Variants in DIAPH3 observed in about 807,000 individuals in gnomAD.
The protein encoded by DIAPH3 is diaphanous related formin 3.
DIAPH3 carries 117 observed loss-of-function variants against 144.3 expected under a neutral mutation model. That is an observed-to-expected ratio of 0.81 (90% CI 0.70 to 0.95). The LOEUF (loss-of-function observed/expected upper bound fraction) is 0.95, where lower values mean the gene tolerates loss of function less well. Among genes scored for constraint, DIAPH3 ranks in the 40% least tolerant of loss-of-function variants. The pLI, the probability that DIAPH3 is intolerant of heterozygous loss-of-function variation, is 0.00. For missense variants in DIAPH3, 1,421 were observed against 1,412.7 expected, an observed-to-expected ratio of 1.01 and a Z score of -0.09; for synonymous variants, 519 against 488.9, an observed-to-expected ratio of 1.06 and a Z score of -0.81.
chr13:59,827,119 T>C (rs2041480118), intron 24 of DIAPH3, among the ~76,000 whole-genome samples: 2 of 152,096 alleles, frequency 1.3e-5, no homozygotes, highest in South Asian at 4.1e-4. Flanking sequence ...GACATAGGCA[T>C]GGGCAAGGAC....
chr13:60,020,272 G>T (rs1404714722), intron 5 of DIAPH3, among the ~76,000 whole-genome samples: 3 of 152,134 alleles, frequency 2.0e-5, no homozygotes, highest in African/African-American at 7.2e-5. Context: ...TAAACACAAA[G>T]AGATGACAGA....
chr13:60,056,266 T>G (rs1003427055), intron 4 of DIAPH3, among the ~76,000 whole-genome samples: 2 of 150,526 alleles, frequency 1.3e-5, no homozygotes. Context: ...GCTATATATA[T>G]AGAAAAGAGA....
At chr13:59,880,022 C>T (rs1206757214) in intron 20 of DIAPH3, among the ~76,000 whole-genome samples, 1 of 152,156 alleles carries the variant, frequency 6.6e-6, no homozygotes, top group African/African-American at 2.4e-5. Flanking sequence ...TAGAATGACT[C>T]CTGACACATA....
rs896917485 is a variant in DIAPH3 at position 59,887,223 on chromosome 13, T to C, written c.2368-7755A>G. Among the ~76,000 whole-genome samples the C allele has an allele frequency of 4.9e-4, 75 of 152,122 alleles. 3 individuals carry two copies. ...TGGCTAACTAATTAATTTTGAAATG[T>C]AAAACCAACCCTGCATTCCTGGGAT... On this transcript the variant is annotated intron_variant, in intron 20 of 27. Transcript: ENST00000400324.
rs147034634 is a variant in DIAPH3, at chr13:60,049,505, C to T, written c.496-6685G>A. 3.2e-4 allele frequency among the ~76,000 whole-genome samples: 48 copies of T among 152,354 alleles called. 2 individuals are homozygous for T. In the East Asian group the frequency reaches 8.5e-3, roughly 27 times the overall value. ...CTTATCCAAACCCTCACCACCACTA[C>T]TACAACCCTTACCCAGGCCTACTCC... On this transcript the variant is annotated intron_variant, in intron 4 of 27. Coordinates refer to ENST00000400324, the MANE Select transcript of DIAPH3 (RefSeq NM_001042517.2).
intron 25 of DIAPH3, among the ~76,000 whole-genome samples, chr13:59,789,217 G>A (rs902374961): frequency 5.3e-5 from 8 of 152,134 alleles, no homozygotes; most frequent in Admixed American, 4.6e-4. Flanking sequence ...ATCACACAGA[G>A]CGAACACCCA....
intron 3 of DIAPH3, among the ~76,000 whole-genome samples, chr13:60,094,657 A>C (rs1312252145): frequency 6.6e-6 from 1 of 152,204 alleles, no homozygotes; most frequent in East Asian, 1.9e-4. Flanking sequence ...AGGACTTTGG[A>C]TCACCTATGG....
intron 9 of DIAPH3, among the ~76,000 whole-genome samples, chr13:60,003,343 A>G (rs933755490): frequency 2.6e-5 from 4 of 152,116 alleles, no homozygotes; most frequent in Non-Finnish European, 4.4e-5. Context: ...AATTTGTTTC[A>G]TAGCATATTT....
intron 9 of DIAPH3, among the ~76,000 whole-genome samples, chr13:59,997,512 G>T (rs1222129522): frequency 6.6e-6 from 1 of 152,046 alleles, no homozygotes; most frequent in Non-Finnish European, 1.5e-5. Context: ...AAACACATGA[G>T]TGCCAGCATC....
At chr13:59,903,898 G>T (rs1222367754) in intron 20 of DIAPH3, among the ~76,000 whole-genome samples, 12 of 152,178 alleles carry the variant, frequency 7.9e-5, no homozygotes, top group Admixed American at 7.9e-4. Flanking sequence ...GCTGGGAATA[G>T]AAAGATGAGC....
At chr13:59,972,783 G>GGGA in intron 15 of DIAPH3, among the ~76,000 whole-genome samples, 1 of 152,136 alleles carries the variant, frequency 6.6e-6, no homozygotes, top group South Asian at 2.1e-4. Flanking sequence ...GATATGGTTT[G>GGGA]GGAGGCCAGA....
At chr13:60,017,176 G>A (rs1413516233) in intron 5 of DIAPH3, among the ~76,000 whole-genome samples, 1 of 152,054 alleles carries the variant, frequency 6.6e-6, no homozygotes, top group Non-Finnish European at 1.5e-5. Flanking sequence ...GGCAGAGGCG[G>A]GTAGATCACC....
At chr13:60,149,324 T>G (rs1951675435) in intron 1 of DIAPH3, among the ~76,000 whole-genome samples, 1 of 152,148 alleles carries the variant, frequency 6.6e-6, no homozygotes, top group Non-Finnish European at 1.5e-5. Context: ...TAGGAAAACT[T>G]TCTCTGAAAA....
At position 60,042,805 on chromosome 13, in the gene DIAPH3, T is replaced by C. The variant is rs1239466605; in HGVS notation, c.511A>G (p.Ser171Gly). ...AATTCCTGAGGTGAGATCTGTCGGC[T>C]TCTCTTAAGACTTCCCTATAAAATA... The part of the protein sequence containing the change: ...TASKTGSLKR[S>G]RQISPQEFIH... Residue 171 changes from serine to glycine, a missense_variant, in exon 5 of 28, where the codon AGC (serine) becomes GGC (glycine). Coordinates refer to ENST00000400324, the MANE Select transcript of DIAPH3 (RefSeq NM_001042517.2). 6 of 1,613,562 alleles carry C rather than the reference T, an allele frequency of 3.7e-6. No homozygotes were observed. In the Admixed American group the frequency reaches 5.0e-5, roughly 13 times the overall value.
chr13:59,738,956 T>A (rs1395981757), intron 27 of DIAPH3, among the ~76,000 whole-genome samples: 1 of 152,230 alleles, frequency 6.6e-6, no homozygotes, highest in Non-Finnish European at 1.5e-5. Context: ...GAAGCTTTGC[T>A]TCCTTTTTTT....
chr13:59,824,400 G>A (rs947988150), intron 24 of DIAPH3, among the ~76,000 whole-genome samples: 1 of 152,034 alleles, frequency 6.6e-6, no homozygotes, highest in East Asian at 1.9e-4. Flanking sequence ...TACAGAGACC[G>A]GACTCAACTC....
chr13:59,924,915 A>T (rs1370773249), intron 17 of DIAPH3, 45 bp from the exon 18 acceptor site: 1 of 1,573,088 alleles, frequency 6.4e-7, no homozygotes, highest in Non-Finnish European at 8.7e-7. Flanking sequence ...CAATTCATTC[A>T]AATACAAAAG....
intron 9 of DIAPH3, among the ~76,000 whole-genome samples, chr13:60,003,236 C>G (rs2052628205): frequency 6.6e-6 from 1 of 152,068 alleles, no homozygotes; most frequent in African/African-American, 2.4e-5. Context: ...TAGCTACAGA[C>G]CACCCACATG....
At chr13:59,871,198 G>A (rs1000176456) in intron 21 of DIAPH3, among the ~76,000 whole-genome samples, 2 of 141,256 alleles carry the variant, frequency 1.4e-5, no homozygotes, top group African/African-American at 2.5e-5. Flanking sequence ...TTTTTTTTGG[G>A]GGGGGGGGTG....
Sources: gnomAD v4.1 joint callset for allele counts (sites outside exome capture counted in the v4.1 genomes callset) on GRCh38, gnomAD v4.1.1 for gene constraint, MANE v1.5 for transcripts, NCBI Gene and HGNC (gene_info 2026-07-23, HGNC 2026-07-21) for gene names.